DPP10: variants seen among roughly 807,000 people sequenced by gnomAD.
DPP10 encodes dipeptidyl peptidase like 10.
A neutral mutation model predicts 120.9 loss-of-function variants in DPP10; 33 were observed. The ratio of observed to expected loss-of-function variants is 0.27; its 90% CI spans 0.21 to 0.37. The LOEUF is 0.37. Ranked by LOEUF, DPP10 falls within the 10% of genes least tolerant of loss-of-function variation. The probability of loss-of-function intolerance (pLI) is 1.00; values close to 1 mark genes in which losing one functional copy is unlikely to be tolerated. For missense variants in DPP10, 816 were observed against 942.8 expected (o/e 0.87, Z 1.76); for synonymous variants, 337 against 326.1 (o/e 1.03, Z -0.36).
chr2:115,717,587 G>A (rs112627910), intron 7 of DPP10, among the ~76,000 whole-genome samples: 1,851 of 151,860 alleles, frequency 0.012, 44 homozygotes, highest in African/African-American at 0.043. Context: ...ACCAACAAAT[G>A]TTAGTTCTCA....
intron 1 of DPP10, among the ~76,000 whole-genome samples, chr2:115,264,117 G>T (rs928529486): frequency 6.6e-6 from 1 of 152,198 alleles, no homozygotes. Context: ...CTTTTCAAGA[G>T]TGTTAACAGG....
intron 1 of DPP10, among the ~76,000 whole-genome samples, chr2:114,938,236 T>C (rs1696629200): frequency 5.3e-5 from 8 of 152,172 alleles, no homozygotes; most frequent in Admixed American, 5.2e-4. Context: ...TAATATAGAA[T>C]ATGTATTTTA....
chr2:115,636,519 A>G (rs555132059), intron 5 of DPP10, among the ~76,000 whole-genome samples: 6 of 152,274 alleles, frequency 3.9e-5, no homozygotes, highest in African/African-American at 1.4e-4. Flanking sequence ...CCTTTGGATC[A>G]TTCAACAAAA....
rs1690567472 is a variant in DPP10, at chr2:115,845,729, G to T, written c.*3384G>T. 6.6e-6 allele frequency: 1 copy of T among 152,098 alleles called. No individual in the cohort carries two copies. Among genetic ancestry groups the T allele is most frequent in the Non-Finnish European group, 1.5e-5 (1 of 68,002 alleles). The allele number at this position is 152,098 out of a possible 1,614,324, so 9.4% of individuals were successfully genotyped here. ...TATTACAGGAGGAGAAATAAAATAA[G>T]AATAAATCAGTGGTTTATTTTCAGG... On this transcript the variant is annotated 3_prime_UTR_variant, in exon 26 of 26. Transcript: ENST00000410059.
At chr2:114,445,240 C>T (rs1007854044) in intron 1 of DPP10, among the ~76,000 whole-genome samples, 3 of 152,132 alleles carry the variant, frequency 2.0e-5, no homozygotes, top group African/African-American at 7.2e-5. Context: ...AACCCTCCCT[C>T]ATGGAATCTG....
chr2:115,468,268 A>T (rs1188612748), intron 3 of DPP10: 2 of 510,398 alleles, frequency 3.9e-6, no homozygotes, highest in Admixed American at 3.9e-5. Context: ...TTGAAAACTG[A>T]TGTCAGTGTC....
intron 3 of DPP10, among the ~76,000 whole-genome samples, chr2:115,407,437 GA>G: frequency 6.6e-6 from 1 of 152,148 alleles, no homozygotes; most frequent in Non-Finnish European, 1.5e-5. Context: ...CTGCTTTGGG[GA>G]AATGGCAGTC....
At chr2:114,482,487 G>C (rs1437443383) in intron 1 of DPP10, among the ~76,000 whole-genome samples, 1 of 152,124 alleles carries the variant, frequency 6.6e-6, no homozygotes, top group African/African-American at 2.4e-5. Context: ...GCTTAAAACA[G>C]ACATCGTTTA....
intron 5 of DPP10, among the ~76,000 whole-genome samples, chr2:115,542,565 A>G (rs1284995357): frequency 6.6e-6 from 1 of 151,962 alleles, no homozygotes; most frequent in Non-Finnish European, 1.5e-5. Flanking sequence ...AAGTGAAGAA[A>G]GATTCTTGTG....
At chr2:115,652,496 A>G (rs2087885468) in intron 5 of DPP10, among the ~76,000 whole-genome samples, 1 of 151,404 alleles carries the variant, frequency 6.6e-6, no homozygotes, top group Non-Finnish European at 1.5e-5. Flanking sequence ...TATATAATGT[A>G]GATAGATATA....
intron 1 of DPP10, among the ~76,000 whole-genome samples, chr2:115,195,824 G>T (rs1399718858): frequency 6.6e-6 from 1 of 152,112 alleles, no homozygotes; most frequent in Non-Finnish European, 1.5e-5. Flanking sequence ...AAAGCAACAG[G>T]GCAATTCTTC....
At chr2:115,501,103 A>T (rs1054336279) in intron 4 of DPP10, among the ~76,000 whole-genome samples, 1 of 151,986 alleles carries the variant, frequency 6.6e-6, no homozygotes, top group Admixed American at 6.6e-5. Flanking sequence ...CTTTTTCTTC[A>T]TAAAGTAACA....
At chr2:114,781,781 C>A (rs145239541) in intron 1 of DPP10, among the ~76,000 whole-genome samples, 269 of 152,152 alleles carry the variant, frequency 1.8e-3, no homozygotes, top group African/African-American at 6.2e-3. Context: ...GCCTGTTCTT[C>A]CAATGAGTTC....
chr2:115,674,093 C>T lies in DPP10; in HGVS notation c.442-15594C>T, dbSNP rs114357398. On this transcript the variant is annotated intron_variant, in intron 5 of 25. Transcript: ENST00000410059. ...AAAACAAACTAGCTGGGCATGGTGA[C>T]GCTTGCCTGTAATCCCAGCTACTTG... Among the ~76,000 whole-genome samples the T allele has an allele frequency of 3.3e-3, 509 of 152,102 alleles. 4 individuals are homozygous for T. Among genetic ancestry groups the T allele is most frequent in the African/African-American group, 0.011 (455 of 41,498 alleles).
At chr2:115,696,109 C>T (rs1475644888) in intron 7 of DPP10, among the ~76,000 whole-genome samples, 1 of 151,766 alleles carries the variant, frequency 6.6e-6, no homozygotes, top group Non-Finnish European at 1.5e-5. Flanking sequence ...ACCTAAGGGA[C>T]CTATGGAATA....
chr2:115,523,412 A>AAC (rs2077937731), intron 4 of DPP10, among the ~76,000 whole-genome samples: 1 of 151,002 alleles, frequency 6.6e-6, no homozygotes, highest in Admixed American at 6.6e-5. Flanking sequence ...AAAAAAAAAA[A>AAC]AAAAAAAAAA....
chr2:115,270,225 A>T (rs901056660), intron 1 of DPP10, among the ~76,000 whole-genome samples: 2 of 152,020 alleles, frequency 1.3e-5, no homozygotes, highest in Non-Finnish European at 2.9e-5. Flanking sequence ...CAGAAGAAAA[A>T]TTGGGTATGG....
intron 5 of DPP10, among the ~76,000 whole-genome samples, chr2:115,568,151 C>A (rs2081116728): frequency 6.8e-6 from 1 of 148,112 alleles, no homozygotes; most frequent in African/African-American, 2.5e-5. Context: ...GCACTCCAGC[C>A]TGGGTGACAA....
chr2:115,389,948 C>G (rs138218023), intron 3 of DPP10, among the ~76,000 whole-genome samples: 71 of 152,214 alleles, frequency 4.7e-4, no homozygotes, highest in African/African-American at 1.7e-3. Context: ...CGTTAAGGCT[C>G]ATTGATATTT....
Sources: allele counts gnomAD v4.1 joint callset (sites outside exome capture counted in the v4.1 genomes callset), GRCh38; gene constraint gnomAD v4.1.1; transcripts MANE v1.5; gene names NCBI Gene and HGNC (gene_info 2026-07-23, HGNC 2026-07-21).